GRB14: variants seen among roughly 807,000 people sequenced by gnomAD.
GRB14 encodes growth factor receptor bound protein 14, also known as growth factor receptor-bound protein 14.
A neutral mutation model predicts 69.1 loss-of-function variants in GRB14; 38 were observed. The observed-to-expected ratio is 0.55, with a 90% CI of 0.42 to 0.72. The LOEUF is 0.72. GRB14 is among the 30% of genes least tolerant of loss of function. GRB14 has a pLI of 0.00. For missense variants in GRB14, 666 were observed against 666.1 expected, an observed-to-expected ratio of 1.00 and a Z score of 0.00; for synonymous variants, 247 against 241.3, an observed-to-expected ratio of 1.02 and a Z score of -0.22.
chr2:164,522,086 A>C lies in GRB14; in HGVS notation c.710T>G (p.Ile237Ser), dbSNP rs1687649026. The change falls in exon 6 of 14, where the codon ATT becomes AGT. Residue 237 changes from isoleucine to serine, a missense_variant. Coordinates refer to ENST00000263915, the MANE Select transcript of GRB14 (RefSeq NM_004490.3). Reference sequence around the variant, plus strand: ...TTCTTTCGCATGTAAGAAACCATGAATTTCAGGATATGTGCTTGAACTCAG... The same window carrying C: ...TTCTTTCGCATGTAAGAAACCATGACTTTCAGGATATGTGCTTGAACTCAG... ...MFLSSSTYPEIHGFLHAKEQG... is the reference protein window; with the variant it reads ...MFLSSSTYPESHGFLHAKEQG... 1 of 1,600,384 alleles carries C rather than the reference A, an allele frequency of 6.2e-7. No homozygotes were observed. Among genetic ancestry groups the C allele is most frequent in the African/African-American group, 1.3e-5 (1 of 74,274 alleles).
intron 3 of GRB14, among the ~76,000 whole-genome samples, chr2:164,533,516 G>A (rs574520477): frequency 7.6e-4 from 116 of 152,074 alleles, no homozygotes; most frequent in African/African-American, 2.6e-3. Flanking sequence ...CACCGCGCCC[G>A]GCCCCAATTC....
intron 2 of GRB14, among the ~76,000 whole-genome samples, chr2:164,609,370 T>G (rs1690112265): frequency 6.6e-6 from 1 of 152,212 alleles, no homozygotes; most frequent in Non-Finnish European, 1.5e-5. Flanking sequence ...GGACCTTTGC[T>G]GTGGCTGTGC....
In GRB14 at chr2:164,547,871, T is replaced by C; in HGVS notation, c.325-55A>G. The C allele has an allele frequency of 6.3e-6, 8 of 1,272,600 alleles. No individual in the cohort carries two copies. In the South Asian group the frequency reaches 1.2e-4, roughly 19 times the overall value. The allele number at this position is 1,272,600 out of a possible 1,614,324, so 78.8% of individuals were successfully genotyped here. A position where few individuals can be genotyped will look rare whatever the true frequency, so the allele number is the denominator to read the frequency against. ...AAAATATTCCTGTTTGTGTTTTTAA[T>C]AAATTTTATTGTATATATTTAAAGT... On this transcript the variant is annotated intron_variant, in intron 2 of 13. Transcript: ENST00000263915.
chr2:164,554,064 T>G (rs1688614857), intron 2 of GRB14, among the ~76,000 whole-genome samples: 1 of 152,022 alleles, frequency 6.6e-6, no homozygotes, highest in African/African-American at 2.4e-5. Context: ...ACCTTCCTAT[T>G]TAAGAAGAAT....
intron 1 of GRB14, 116 bp from the exon 2 acceptor site, chr2:164,619,935 A>G: frequency 1.2e-6 from 1 of 801,518 alleles, no homozygotes; most frequent in East Asian, 2.6e-5. Flanking sequence ...CAAGGCTCAT[A>G]TTATATAAAG....
chr2:164,493,910 G>A (rs1165970730), intron 13 of GRB14, among the ~76,000 whole-genome samples: 1 of 152,026 alleles, frequency 6.6e-6, no homozygotes, highest in Admixed American at 6.6e-5. Context: ...ACACACAGCA[G>A]AAGAGGCAAC....
At chr2:164,570,870 A>T (rs187260548) in intron 2 of GRB14, among the ~76,000 whole-genome samples, 1 of 152,242 alleles carries the variant, frequency 6.6e-6, no homozygotes, top group East Asian at 1.9e-4. Context: ...CACTTAATAG[A>T]TGACTAGCTG....
At chr2:164,603,822 G>A (rs1395772541) in intron 2 of GRB14, among the ~76,000 whole-genome samples, 6 of 152,080 alleles carry the variant, frequency 3.9e-5, no homozygotes, top group Admixed American at 6.6e-5. Flanking sequence ...GTTAAAGCAA[G>A]TCACAATTAC....
At chr2:164,502,624 T>G (rs1341176122) in intron 8 of GRB14, among the ~76,000 whole-genome samples, 4 of 151,562 alleles carry the variant, frequency 2.6e-5, no homozygotes, top group South Asian at 2.1e-4. Context: ...GTACCACAAC[T>G]ATCTGGAGTA....
At chr2:164,495,839 A>T (rs912520192) in intron 12 of GRB14, among the ~76,000 whole-genome samples, 1 of 152,208 alleles carries the variant, frequency 6.6e-6, no homozygotes, top group Admixed American at 6.5e-5. Flanking sequence ...GCACCATCAC[A>T]TCTCTCCAAA....
At chr2:164,587,489 C>T (rs1468619340) in intron 2 of GRB14, among the ~76,000 whole-genome samples, 1 of 152,118 alleles carries the variant, frequency 6.6e-6, no homozygotes, top group African/African-American at 2.4e-5. Context: ...AATGTAGCCC[C>T]TAAACATGCT....
rs537226134 is a variant in GRB14 at position 164,616,370 on chromosome 2, A to G, written c.324+3317T>C. 4.6e-4 allele frequency among the ~76,000 whole-genome samples: 68 copies of G among 148,498 alleles called. 1 individual carries two copies. The highest frequency in any genetic ancestry group is 1.3e-3 in the African/African-American group (54 of 40,572). ...GAACCCAGGAGGCAGAGCTTGCAGT[A>G]AGCCGAGATTGTGCCACTGCACTCC... On this transcript the variant is annotated intron_variant, in intron 2 of 13. Transcript: ENST00000263915.
At chr2:164,543,608 G>A (rs1298163028) in intron 3 of GRB14, among the ~76,000 whole-genome samples, 1 of 151,992 alleles carries the variant, frequency 6.6e-6, no homozygotes, top group Admixed American at 6.6e-5. Flanking sequence ...TCATCCTTTG[G>A]TTCTTTACAT....
chr2:164,607,921 T>C (rs896360973), intron 2 of GRB14, among the ~76,000 whole-genome samples: 2 of 152,210 alleles, frequency 1.3e-5, no homozygotes, highest in African/African-American at 4.8e-5. Context: ...ATGTGTCTTA[T>C]ATATATGTTC....
chr2:164,613,288 G>A (rs1430911249), intron 2 of GRB14, among the ~76,000 whole-genome samples: 1 of 151,860 alleles, frequency 6.6e-6, no homozygotes, highest in African/African-American at 2.4e-5. Flanking sequence ...TTTTCCCCTA[G>A]GACACTAGCT....
intron 2 of GRB14, among the ~76,000 whole-genome samples, chr2:164,586,305 G>A (rs1323093921): frequency 6.6e-6 from 1 of 152,138 alleles, no homozygotes; most frequent in Non-Finnish European, 1.5e-5. Context: ...ATCTTTCCTG[G>A]ACAACTCAAA....
At chr2:164,526,362 C>A (rs1030306496) in intron 4 of GRB14, among the ~76,000 whole-genome samples, 5 of 151,974 alleles carry the variant, frequency 3.3e-5, no homozygotes, top group Admixed American at 2.6e-4. Context: ...TTTTCTAGAT[C>A]CCTAGTCTTC....
chr2:164,579,349 AAGAT>A (rs1689335089), intron 2 of GRB14, among the ~76,000 whole-genome samples: 1 of 152,236 alleles, frequency 6.6e-6, no homozygotes, highest in African/African-American at 2.4e-5. Context: ...ACATTTAAGA[AAGAT>A]GAGTAAAAAC....
intron 2 of GRB14, among the ~76,000 whole-genome samples, chr2:164,615,353 C>T (rs780436034): frequency 2.0e-5 from 3 of 152,214 alleles, no homozygotes; most frequent in African/African-American, 4.8e-5. Context: ...GAAGAAAAAA[C>T]GTAGTTACAT....
Sources: allele counts gnomAD v4.1 joint callset (sites outside exome capture counted in the v4.1 genomes callset), GRCh38; gene constraint gnomAD v4.1.1; transcripts MANE v1.5; gene names NCBI Gene and HGNC (gene_info 2026-07-23, HGNC 2026-07-21).